The following IKZF3 variants were observed in gnomAD, a reference collection of about 807,000 sequenced individuals.
The protein encoded by IKZF3 is IKAROS family zinc finger 3.
IKZF3 carries 10 observed loss-of-function variants against 49.0 expected under a neutral mutation model. The ratio of observed to expected loss-of-function variants is 0.20; its 90% confidence interval spans 0.13 to 0.35. IKZF3 has a LOEUF of 0.35. IKZF3 is among the 10% of genes least tolerant of loss of function. The pLI is 1.00. For synonymous variants in IKZF3, 209 were observed against 228.2 expected, an observed-to-expected ratio of 0.92 and a Z score of 0.76; for missense variants, 498 against 664.8, an observed-to-expected ratio of 0.75 and a Z score of 2.76.
At chr17:39,781,353 G>A (rs773295940) in intron 6 of IKZF3, among the ~76,000 whole-genome samples, 9 of 152,066 alleles carry the variant, frequency 5.9e-5, no homozygotes, top group Non-Finnish European at 8.8e-5. Context: ...ACTTTGACTA[G>A]GAACATTCAT....
intron 1 of IKZF3, among the ~76,000 whole-genome samples, chr17:39,832,623 G>A (rs180862598): frequency 3.3e-4 from 50 of 152,080 alleles, no homozygotes; most frequent in East Asian, 1.9e-3. Context: ...AGTGAAATAA[G>A]TCAGGCACAG....
chr17:39,782,463 C>T (rs1028511454), intron 6 of IKZF3, among the ~76,000 whole-genome samples: 2 of 152,024 alleles, frequency 1.3e-5, no homozygotes, highest in African/African-American at 4.8e-5. Flanking sequence ...TGCTTTGTAA[C>T]TGGACAAGCT....
intron 1 of IKZF3, among the ~76,000 whole-genome samples, chr17:39,858,279 C>T (rs955831895): frequency 1.3e-5 from 2 of 151,856 alleles, no homozygotes; most frequent in African/African-American, 4.8e-5. Context: ...GGTAACATAG[C>T]AAGACTATGT....
intron 3 of IKZF3, among the ~76,000 whole-genome samples, chr17:39,808,326 C>T (rs900268953): frequency 9.2e-5 from 14 of 152,128 alleles, no homozygotes; most frequent in African/African-American, 3.1e-4. Context: ...CGCTACTTGA[C>T]AGTAGGAAAG....
chr17:39,810,537 C>T (rs1413134481), intron 3 of IKZF3, among the ~76,000 whole-genome samples: 2 of 151,390 alleles, frequency 1.3e-5, no homozygotes, highest in Non-Finnish European at 2.9e-5. Flanking sequence ...ATTTCACTAC[C>T]CCCATGGAAT....
At chr17:39,791,393 G>A (rs2061017740) in intron 5 of IKZF3, 23 bp downstream of exon 5, 3 of 1,611,912 alleles carry the variant, frequency 1.9e-6, no homozygotes, top group South Asian at 1.1e-5. Context: ...CCTAGACAAG[G>A]AATGCTCATT....
chr17:39,848,115 G>A (rs2062687814), intron 1 of IKZF3, among the ~76,000 whole-genome samples: 1 of 152,120 alleles, frequency 6.6e-6, no homozygotes, highest in African/African-American at 2.4e-5. Context: ...TAAGGTAAAT[G>A]TTAAGAAACA....
Position 39,765,677 on chromosome 17 carries a change from G to T in IKZF3, c.*113C>A. 2 of 754,246 alleles carry T rather than the reference G, an allele frequency of 2.7e-6. No homozygotes were observed. The highest frequency in any genetic ancestry group is 2.6e-5 in the East Asian group (1 of 39,192). 46.7% of individuals were successfully genotyped at this position (754,246 alleles called of 1,614,324 possible). A position where few individuals can be genotyped will look rare whatever the true frequency, so the allele number is the denominator to read the frequency against. ...TACCCCTGTGAACACAGCTAAAAAT[G>T]GTATGAAAAGAAGTTTGGAACTGAG... is the stretch of plus-strand genomic sequence containing the variant. On this transcript the variant is annotated 3_prime_UTR_variant, in exon 8 of 8. Coordinates refer to ENST00000346872, the MANE Select transcript of IKZF3 (RefSeq NM_012481.5).
rs555206002 is a variant in IKZF3 at position 39,846,489 on chromosome 17, T to G, written c.8-14338A>C. ...GTTAGTTTTTTTAAGATACCAAGGTTTTTTTTTTTTTTTTTTTCAGAGTTT... is the reference window on the plus strand; with the variant it reads ...GTTAGTTTTTTTAAGATACCAAGGTGTTTTTTTTTTTTTTTTTCAGAGTTT... On this transcript the variant is annotated intron_variant, in intron 1 of 7. Coordinates refer to ENST00000346872, the MANE Select transcript of IKZF3 (RefSeq NM_012481.5). Among the ~76,000 whole-genome samples the G allele has an allele frequency of 1.8e-3, 241 of 131,392 alleles. 1 individual carries two copies. The highest frequency in any genetic ancestry group is 7.0e-3 in the Middle Eastern group (2 of 286). 86.2% of individuals were successfully genotyped at this position (131,392 alleles called of 152,430 possible).
At chr17:39,783,871 G>GTGAGC (rs1451342067) in intron 6 of IKZF3, among the ~76,000 whole-genome samples, 1 of 152,180 alleles carries the variant, frequency 6.6e-6, no homozygotes, top group African/African-American at 2.4e-5. Context: ...GGAGGTTGCG[G>GTGAGC]TGAGCTGAGA....
intron 1 of IKZF3, among the ~76,000 whole-genome samples, chr17:39,856,570 C>A (rs1344404261): frequency 2.0e-5 from 3 of 152,232 alleles, no homozygotes; most frequent in Admixed American, 6.5e-5. Flanking sequence ...CTTTGGGATG[C>A]CAAGGCGGGC....
chr17:39,791,801 T>C (rs1346194448), intron 4 of IKZF3, among the ~76,000 whole-genome samples: 1 of 151,870 alleles, frequency 6.6e-6, no homozygotes, highest in Non-Finnish European at 1.5e-5. Flanking sequence ...TTAGGTATCA[T>C]ATTGAATCAG....
intron 1 of IKZF3, among the ~76,000 whole-genome samples, chr17:39,842,854 C>G (rs1161274598): frequency 1.3e-5 from 2 of 152,150 alleles, no homozygotes; most frequent in African/African-American, 4.8e-5. Context: ...ATCACTGTAA[C>G]TGAGCAAAGT....
chr17:39,833,313 G>A (rs1349697399), intron 1 of IKZF3, among the ~76,000 whole-genome samples: 1 of 152,078 alleles, frequency 6.6e-6, no homozygotes, highest in East Asian at 1.9e-4. Flanking sequence ...ACCATTCAAT[G>A]AGTTTTTAAA....
intron 3 of IKZF3, among the ~76,000 whole-genome samples, chr17:39,807,541 TA>T (rs2061457583): frequency 2.4e-5 from 3 of 126,204 alleles, no homozygotes; most frequent in Admixed American, 9.0e-5. Context: ...TGGGACTATT[TA>T]AATTTTTTTT....
rs2060194334 is a variant in IKZF3 at position 39,761,954 on chromosome 17, C to T, written c.*3836G>A. On this transcript the variant is annotated 3_prime_UTR_variant, in exon 8 of 8. Coordinates refer to ENST00000346872, the MANE Select transcript of IKZF3 (RefSeq NM_012481.5). ...TCCCAACCTCAGGTGATCTGCCTGC[C>T]CCAGCCTCCCAAAGTGCTGGCATTA... 1 of 152,404 alleles carries T rather than the reference C, an allele frequency of 6.6e-6. No homozygotes were observed. Among genetic ancestry groups the T allele is most frequent in the South Asian group, 2.1e-4 (1 of 4,830 alleles). The allele number at this position is 152,404 out of a possible 1,614,324, so 9.4% of individuals were successfully genotyped here. A position where few individuals can be genotyped will look rare whatever the true frequency, so the allele number is the denominator to read the frequency against.
intron 6 of IKZF3, 126 bp downstream of exon 6, chr17:39,788,132 C>T: frequency 4.9e-6 from 3 of 618,196 alleles, no homozygotes; most frequent in South Asian, 4.3e-5. Flanking sequence ...ACAGTTTGCT[C>T]ATTTACTTTC....
intron 7 of IKZF3, among the ~76,000 whole-genome samples, chr17:39,772,409 C>T (rs528601258): frequency 1.1e-4 from 16 of 152,256 alleles, no homozygotes; most frequent in Admixed American, 2.0e-4. Flanking sequence ...TTTGCTGCTG[C>T]GTCATATAAT....
chr17:39,824,815 C>A (rs1288964757), intron 3 of IKZF3, among the ~76,000 whole-genome samples: 1 of 152,120 alleles, frequency 6.6e-6, no homozygotes, highest in East Asian at 1.9e-4. Flanking sequence ...CCTGCCTCAG[C>A]CTCCCAAGTA....
Sources: gnomAD v4.1 joint callset for allele counts (sites outside exome capture counted in the v4.1 genomes callset) on GRCh38, gnomAD v4.1.1 for gene constraint, MANE v1.5 for transcripts, NCBI Gene and HGNC (gene_info 2026-07-23, HGNC 2026-07-21) for gene names.